The following GTSE1 variants were observed in gnomAD, a reference collection of about 807,000 sequenced individuals.
GTSE1 encodes G2 and S phase-expressed protein 1.
Under a neutral mutation model 60.5 loss-of-function variants are expected in GTSE1, and 52 were observed. The ratio of observed to expected loss-of-function variants is 0.86; its 90% CI spans 0.69 to 1.08. GTSE1 has a LOEUF of 1.08. Ranked by LOEUF, GTSE1 falls within the 50% of genes least tolerant of loss-of-function variation. The probability of loss-of-function intolerance (pLI) is 0.00; values close to 1 mark genes in which losing one functional copy is unlikely to be tolerated. For missense variants in GTSE1, 937 were observed against 961.8 expected (o/e 0.97, Z 0.34); for synonymous variants, 368 against 386.5 (o/e 0.95, Z 0.56).
chr22:46,317,618 T>C lies in GTSE1; in HGVS notation c.1432+1206T>C, dbSNP rs900695017. 7.2e-5 allele frequency among the ~76,000 whole-genome samples: 11 copies of C among 152,322 alleles called. No homozygotes were observed. The highest frequency in any genetic ancestry group is 2.6e-4 in the Admixed American group (4 of 15,294). ...GTGTACACTTTTGAATGTCTGGATT[T>C]TGTTGTCTTTCTCTGAGGAGTTGGG... On this transcript the variant is annotated intron_variant, in intron 7 of 11. Transcript: ENST00000454366. This position sits in a 1 kb window ranked among gnomAD's most constrained non-coding sequence, Gnocchi z 5.6.
At chr22:46,300,151 G>A (rs2077681528) in intron 2 of GTSE1, among the ~76,000 whole-genome samples, 1 of 151,304 alleles carries the variant, frequency 6.6e-6, no homozygotes, top group East Asian at 1.9e-4. Context: ...AGGCTGGAGT[G>A]CAGTGGCGAC....
Position 46,308,529 on chromosome 22 carries a change from C to G in GTSE1, c.348C>G (p.Ser116Arg), listed in dbSNP as rs1190245568. 1.2e-6 allele frequency: 2 copies of G among 1,614,206 alleles called. No individual in the cohort carries two copies. Residue 116 changes from serine (S) to arginine (R), a missense_variant, in exon 4 of 12, where the codon AGC becomes AGG. Physicochemically the swap from Ser to Arg is moderately radical, Grantham distance 110. Transcript: ENST00000454366. ...HLLALHIESS[S>R]RNQAAQAAKP... Reference sequence around the variant, plus strand: ...TGGCTTTACACATTGAGAGCAGCAGCCGGAACCAGGCAGCCCAAGCTGCCA... The same window carrying G: ...TGGCTTTACACATTGAGAGCAGCAGGCGGAACCAGGCAGCCCAAGCTGCCA...
rs1277274385 is a variant in GTSE1, at chr22:46,320,967, G to C, written c.1433-2223G>C. Among the ~76,000 whole-genome samples the C allele has an allele frequency of 2.0e-5, 3 of 152,042 alleles. No individual in the cohort carries two copies. In the East Asian group the frequency reaches 5.8e-4, roughly 29 times the overall value. On this transcript the variant is annotated intron_variant, in intron 7 of 11. Transcript: ENST00000454366. This position sits in a 1 kb window ranked among gnomAD's most constrained non-coding sequence, Gnocchi z 7.1. ...GAGTGCGCTCCACCCAGCTGAGGGA[G>C]AGGACAACCGAGAGGAAGGGGTCTC...
At position 46,319,750 on chromosome 22, in the gene GTSE1, C is replaced by T. The variant is rs934943155; in HGVS notation, c.1432+3338C>T. Reference sequence around the variant, plus strand: ...CCTGTAATCCTAGCACTTTGGGAGGCCGAGGTGAGCAGATCACCTGAGGTC... The same window carrying T: ...CCTGTAATCCTAGCACTTTGGGAGGTCGAGGTGAGCAGATCACCTGAGGTC... On this transcript the variant is annotated intron_variant, in intron 7 of 11. Transcript: ENST00000454366. This position sits in a 1 kb window ranked among gnomAD's most constrained non-coding sequence, Gnocchi z 5.0. Among the ~76,000 whole-genome samples, 2 of 152,012 alleles carry T rather than the reference C, an allele frequency of 1.3e-5. No homozygotes were observed. Among genetic ancestry groups the T allele is most frequent in the Non-Finnish European group, 2.9e-5 (2 of 68,004 alleles).
chr22:46,306,653 T>C (rs568852710), intron 2 of GTSE1, among the ~76,000 whole-genome samples: 1 of 152,218 alleles, frequency 6.6e-6, no homozygotes, highest in African/African-American at 2.4e-5. Flanking sequence ...GCTAATTTTT[T>C]TATTCTTTAT....
At position 46,317,734 on chromosome 22, in the gene GTSE1, C is replaced by T. The variant is rs9615345; in HGVS notation, c.1432+1322C>T. On this transcript the variant is annotated intron_variant, in intron 7 of 11. Transcript: ENST00000454366. This position sits in a 1 kb window ranked among gnomAD's most constrained non-coding sequence, Gnocchi z 5.6. ...GGTCTAGCATAGCCTTTCCGCCTCCCGCCACCGGCGTCCTTCCCAAGGCCT... is the reference window on the plus strand; with the variant it reads ...GGTCTAGCATAGCCTTTCCGCCTCCTGCCACCGGCGTCCTTCCCAAGGCCT... Among the ~76,000 whole-genome samples the T allele has an allele frequency of 0.2, 30,626 of 152,142 alleles. 4,440 individuals carry two copies. Among genetic ancestry groups the T allele is most frequent in the African/African-American group, 0.41 (16,818 of 41,476 alleles).
At position 46,323,175 on chromosome 22, in the gene GTSE1, C is replaced by G; in HGVS notation, c.1433-15C>G. 6.2e-7 allele frequency: 1 copy of G among 1,602,940 alleles called. No homozygotes were observed. Among genetic ancestry groups the G allele is most frequent in the East Asian group, 2.2e-5 (1 of 44,856 alleles). On this transcript the variant is annotated splice_polypyrimidine_tract_variant and intron_variant, in intron 7 of 11. Transcript: ENST00000454366. ...ATCACTTTACCTGACCGCACACTTC[C>G]TTTCTTGGACTTAGGTGACTCCCCG...
At position 46,316,955 on chromosome 22, in the gene GTSE1, T is replaced by A. The variant is rs1031539262; in HGVS notation, c.1432+543T>A. The stretch of plus-strand genomic sequence containing the variant: ...TCTTATCTTTTTTCTTTTCTTTCTT[T>A]CTTTTTTTTTGTTTTTTGTTTTTTG... On this transcript the variant is annotated intron_variant, in intron 7 of 11. Transcript: ENST00000454366. This position sits in a 1 kb window ranked among gnomAD's most constrained non-coding sequence, Gnocchi z 5.0. 6.6e-6 allele frequency among the ~76,000 whole-genome samples: 1 copy of A among 152,054 alleles called. No homozygotes were observed. The highest frequency in any genetic ancestry group is 2.1e-4 in the South Asian group (1 of 4,836).
chr22:46,306,087 A>G (rs1286554849), intron 2 of GTSE1, among the ~76,000 whole-genome samples: 1 of 152,054 alleles, frequency 6.6e-6, no homozygotes, highest in Non-Finnish European at 1.5e-5. Flanking sequence ...TGATTAGGTA[A>G]TTAAGAATAA....
chr22:46,328,639 A>C (rs1386397211), intron 9 of GTSE1, 49 bp from the exon 10 acceptor site: 19 of 1,439,342 alleles, frequency 1.3e-5, no homozygotes, highest in Non-Finnish European at 1.9e-5. Flanking sequence ...CAGCCAAGTG[A>C]ACGAGCATTT....
intron 7 of GTSE1, among the ~76,000 whole-genome samples, chr22:46,322,073 C>CAAAA (rs769915567): frequency 4.7e-4 from 21 of 44,598 alleles, no homozygotes; most frequent in African/African-American, 1.4e-3. Context: ...GACTCTGTCT[C>CAAAA]AAAAAAAAAA....
intron 9 of GTSE1, among the ~76,000 whole-genome samples, chr22:46,328,371 G>T (rs567624831): frequency 3.3e-5 from 5 of 152,360 alleles, no homozygotes; most frequent in East Asian, 1.9e-4. Flanking sequence ...TCAAGGAGGG[G>T]TCCCTGTGTG....
intron 7 of GTSE1, among the ~76,000 whole-genome samples, chr22:46,322,834 A>G (rs914257854): frequency 2.6e-5 from 4 of 152,230 alleles, no homozygotes; most frequent in Non-Finnish European, 5.9e-5. Flanking sequence ...TGTCTAGCGC[A>G]TGCAGGTGCC....
chr22:46,308,873 C>T lies in GTSE1; in HGVS notation c.692C>T (p.Pro231Leu), dbSNP rs763541676. The T allele has an allele frequency of 1.2e-6, 2 of 1,613,212 alleles. No homozygotes were observed. Among genetic ancestry groups the T allele is most frequent in the Non-Finnish European group, 1.7e-6 (2 of 1,180,036 alleles). ...AGTCAGGCAGCGACTCAGAGGAAGCCCGGGACCAAATTGCTGCTGCCTCGA... is the reference window on the plus strand; with the variant it reads ...AGTCAGGCAGCGACTCAGAGGAAGCTCGGGACCAAATTGCTGCTGCCTCGA... The part of the protein sequence containing the change: ...AASQAATQRK[P>L]GTKLLLPRAA... Residue 231 changes from proline to leucine, a missense_variant, in exon 4 of 12, where the codon CCC becomes CTC. Physicochemically the swap from Pro to Leu is moderately conservative, Grantham distance 98 (BLOSUM62 -3). Coordinates refer to ENST00000454366, the MANE Select transcript of GTSE1 (RefSeq NM_016426.7).
chr22:46,311,691 G>T (rs2077749570), intron 4 of GTSE1, among the ~76,000 whole-genome samples: 1 of 152,126 alleles, frequency 6.6e-6, no homozygotes. Flanking sequence ...TGACTCTGCT[G>T]GCCAAAGAAA....
At chr22:46,300,573 G>T (rs2077683954) in intron 2 of GTSE1, among the ~76,000 whole-genome samples, 9 of 152,150 alleles carry the variant, frequency 5.9e-5, no homozygotes, top group Admixed American at 5.9e-4. Context: ...TTTCTCAGAG[G>T]TGTTCCCACC....
At chr22:46,325,408 G>C (rs916532529) in intron 8 of GTSE1, among the ~76,000 whole-genome samples, 1 of 152,192 alleles carries the variant, frequency 6.6e-6, no homozygotes, top group African/African-American at 2.4e-5. Flanking sequence ...GTGTTAGCCA[G>C]GATGGTCTTG....
intron 2 of GTSE1, among the ~76,000 whole-genome samples, chr22:46,305,327 A>G (rs1368977590): frequency 6.6e-6 from 1 of 152,224 alleles, no homozygotes; most frequent in Non-Finnish European, 1.5e-5. Flanking sequence ...AATAAAAAAT[A>G]GACTGGATGC....
chr22:46,308,542 G>T lies in GTSE1; in HGVS notation c.361G>T (p.Ala121Ser), dbSNP rs2077729028. 1.9e-6 allele frequency: 3 copies of T among 1,614,070 alleles called. No individual in the cohort carries two copies. Among genetic ancestry groups the T allele is most frequent in the Non-Finnish European group, 2.5e-6 (3 of 1,180,042 alleles). The change falls in exon 4 of 12, where the codon GCC becomes TCC. Residue 121 changes from alanine (A) to serine (S), a missense_variant. Transcript: ENST00000454366. The stretch of plus-strand genomic sequence containing the variant: ...TGAGAGCAGCAGCCGGAACCAGGCA[G>T]CCCAAGCTGCCAAGCCTGAAGACCC... ...HIESSSRNQA[A>S]QAAKPEDPRS...
Sources: gnomAD v4.1 joint callset for allele counts (sites outside exome capture counted in the v4.1 genomes callset) on GRCh38, gnomAD v4.1.1 for gene constraint, Gnocchi (gnomAD v3.1) non-coding constraint, MANE v1.5 for transcripts, NCBI Gene and HGNC (gene_info 2026-07-23, HGNC 2026-07-21) for gene names.